Variants in COL28A1 observed in about 807,000 individuals in gnomAD.
The protein encoded by COL28A1 is collagen alpha-1(XXVIII) chain.
A neutral mutation model predicts 150.2 loss-of-function variants in COL28A1; 161 were observed. The ratio of observed to expected loss-of-function variants is 1.07; its 90% CI spans 0.94 to 1.22. COL28A1 has a LOEUF of 1.22. COL28A1 is among the 50% of genes most tolerant of loss of function. The pLI is 0.00. For missense variants in COL28A1, 1,617 were observed against 1,388.3 expected (o/e 1.16, Z -2.62); for synonymous variants, 552 against 469.7 (o/e 1.18, Z -2.26).
At chr7:7,402,188 G>C (rs903121250) in intron 27 of COL28A1, among the ~76,000 whole-genome samples, 1 of 152,196 alleles carries the variant, frequency 6.6e-6, no homozygotes, top group Non-Finnish European at 1.5e-5. Flanking sequence ...CATTGACTGA[G>C]ATTACTAAGA....
intron 14 of COL28A1, among the ~76,000 whole-genome samples, chr7:7,476,165 C>A (rs1279419500): frequency 6.6e-6 from 1 of 152,108 alleles, no homozygotes; most frequent in Non-Finnish European, 1.5e-5. Context: ...ACTTAGAAAG[C>A]AGCATGTACT....
Position 7,370,834 on chromosome 7 carries a change from G to A in COL28A1, c.2957C>T (p.Ser986Phe), listed in dbSNP as rs1562481358. The A allele has an allele frequency of 6.2e-7, 1 of 1,613,004 alleles. No individual in the cohort carries two copies. The highest frequency in any genetic ancestry group is 8.5e-7 in the Non-Finnish European group (1 of 1,179,362). ...TGAACCAAAAATTTGAACGAGATAG[G>A]AATCAAAATCCTCACAAATTTTTTG... ...LFQKICEDFD[S>F]YLVQIFGSSS... The change falls in exon 33 of 35, where the codon TCC (serine) becomes TTC (phenylalanine). Residue 986 changes from serine (S) to phenylalanine (F), a missense_variant. Ser to Phe is a radical substitution (Grantham distance 155). Transcript: ENST00000399429.
chr7:7,404,314 G>A (rs529987356), intron 27 of COL28A1, among the ~76,000 whole-genome samples: 1 of 151,982 alleles, frequency 6.6e-6, no homozygotes, highest in South Asian at 2.1e-4. Context: ...GCCCCCAGGA[G>A]ACAGTTACTC....
At chr7:7,354,757 G>T (rs1780310288), downstream of COL28A1, among the ~76,000 whole-genome samples, 1 of 152,144 alleles carries the variant, frequency 6.6e-6, no homozygotes, top group Admixed American at 6.6e-5. Context: ...CCATTAACTT[G>T]TTCCCTTAAC....
intron 15 of COL28A1, among the ~76,000 whole-genome samples, chr7:7,463,618 T>A (rs1787816783): frequency 6.6e-6 from 1 of 152,166 alleles, no homozygotes; most frequent in African/African-American, 2.4e-5. Context: ...GACAAACAAA[T>A]GCTGAGAGAA....
intron 18 of COL28A1, among the ~76,000 whole-genome samples, chr7:7,447,077 T>G (rs1786320030): frequency 6.6e-6 from 1 of 152,120 alleles, no homozygotes; most frequent in Admixed American, 6.5e-5. Context: ...GGGCATAAAT[T>G]GGAGTTCTAA....
chr7:7,357,298 C>T (rs1054131400), downstream of COL28A1, among the ~76,000 whole-genome samples: 2 of 152,164 alleles, frequency 1.3e-5, no homozygotes, highest in African/African-American at 2.4e-5. Flanking sequence ...GATCCACCCA[C>T]CTCGGCCTTC....
intron 15 of COL28A1, among the ~76,000 whole-genome samples, chr7:7,459,183 T>A (rs561569799): frequency 6.6e-6 from 1 of 152,218 alleles, no homozygotes; most frequent in East Asian, 1.9e-4. Flanking sequence ...ATGCACCATG[T>A]CCCAACACCA....
chr7:7,440,662 G>T, intron 21 of COL28A1, 128 bp downstream of exon 21: 1 of 522,016 alleles, frequency 1.9e-6, no homozygotes, highest in South Asian at 4.0e-5. Flanking sequence ...TTCTTATTTT[G>T]GGGTATTTGT....
At chr7:7,399,160 T>C (rs1783017254) in intron 27 of COL28A1, among the ~76,000 whole-genome samples, 2 of 152,282 alleles carry the variant, frequency 1.3e-5, no homozygotes, top group East Asian at 3.9e-4. Flanking sequence ...TTTTCACTCT[T>C]GGCTTTCCTT....
intron 16 of COL28A1, 116 bp downstream of exon 16, chr7:7,455,928 C>A: frequency 1.5e-6 from 2 of 1,367,152 alleles, no homozygotes; most frequent in South Asian, 1.7e-5. Context: ...ACTTATACTC[C>A]ACTGCAATTA....
intron 33 of COL28A1, among the ~76,000 whole-genome samples, chr7:7,367,838 C>A (rs1781017184): frequency 1.3e-5 from 2 of 151,256 alleles, no homozygotes; most frequent in Admixed American, 1.3e-4. Flanking sequence ...AACCACCCTG[C>A]CTTTTATATT....
rs773775970 is a variant in COL28A1 at position 7,358,673 on chromosome 7, T to C, written c.3338A>G (p.Asn1113Ser). The change falls in exon 35 of 35, where the codon AAC becomes AGC. Residue 1113 changes from asparagine to serine, a missense_variant. Asn to Ser is a conservative substitution (Grantham distance 46). Transcript: ENST00000399429. Reference protein sequence around the residue: ...SGCNGSGNRFNSEKECQETCI... With the variant: ...SGCNGSGNRFSSEKECQETCI... ...GGTTTCTTGACATTCCTTTTCACTGTTGAATCTATTTCCTGAGCCATTACA... is the reference window on the plus strand; with the variant it reads ...GGTTTCTTGACATTCCTTTTCACTGCTGAATCTATTTCCTGAGCCATTACA... 2 of 1,614,076 alleles carry C rather than the reference T, an allele frequency of 1.2e-6. No homozygotes were observed. The highest frequency in any genetic ancestry group is 4.5e-5 in the East Asian group (2 of 44,874).
intron 34 of COL28A1, among the ~76,000 whole-genome samples, chr7:7,359,188 A>C (rs1780499516): frequency 6.6e-6 from 1 of 152,276 alleles, no homozygotes; most frequent in South Asian, 2.1e-4. Context: ...GGAATAAAAA[A>C]TATTTCCACT....
intron 15 of COL28A1, among the ~76,000 whole-genome samples, chr7:7,474,285 C>T (rs568797031): frequency 2.6e-5 from 4 of 151,664 alleles, no homozygotes; most frequent in African/African-American, 9.7e-5. Context: ...TTTGAGGACT[C>T]GGGGCAAAAG....
intron 19 of COL28A1, among the ~76,000 whole-genome samples, chr7:7,443,991 T>TTTG (rs1477511457): frequency 2.0e-5 from 3 of 150,734 alleles, no homozygotes; most frequent in African/African-American, 4.9e-5. Flanking sequence ...CTGCTGTTTT[T>TTTG]TTTTTTTTTT....
chr7:7,499,665 T>G (rs1386411493), intron 11 of COL28A1, among the ~76,000 whole-genome samples: 1 of 152,060 alleles, frequency 6.6e-6, no homozygotes, highest in East Asian at 1.9e-4. Flanking sequence ...TTGACTTATA[T>G]AAGAACTGAA....
At chr7:7,493,536 C>T (rs1468410905) in intron 11 of COL28A1, among the ~76,000 whole-genome samples, 1 of 152,076 alleles carries the variant, frequency 6.6e-6, no homozygotes, top group Non-Finnish European at 1.5e-5. Context: ...CTCTCCTTTA[C>T]CTGAACACAG....
intron 11 of COL28A1, among the ~76,000 whole-genome samples, chr7:7,498,527 T>C (rs1175022261): frequency 6.6e-6 from 1 of 152,144 alleles, no homozygotes; most frequent in African/African-American, 2.4e-5. Context: ...TGAAAAACTT[T>C]TGGGTATAGA....
Sources: gnomAD v4.1 joint callset for allele counts (sites outside exome capture counted in the v4.1 genomes callset) on GRCh38, gnomAD v4.1.1 for gene constraint, MANE v1.5 for transcripts, NCBI Gene and HGNC (gene_info 2026-07-23, HGNC 2026-07-21) for gene names.